The following PPARD variants were observed in gnomAD, a reference collection of about 807,000 sequenced individuals.
PPARD encodes the protein peroxisome proliferator-activated receptor delta.
PPARD carries 6 observed loss-of-function variants against 39.5 expected under a neutral mutation model. The ratio of observed to expected loss-of-function variants is 0.15; its 90% CI spans 0.08 to 0.30. PPARD has a LOEUF of 0.30. Among genes scored for constraint, PPARD ranks in the 10% least tolerant of loss-of-function variants. The probability of loss-of-function intolerance (pLI) is 1.00; values close to 1 mark genes in which losing one functional copy is unlikely to be tolerated. For synonymous variants in PPARD, 210 were observed against 231.3 expected (o/e 0.91, Z 0.83); for missense variants, 397 against 596.8 (o/e 0.67, Z 3.49).
chr6:35,388,661 G>A (rs1028755658), intron 2 of PPARD, among the ~76,000 whole-genome samples: 8 of 152,070 alleles, frequency 5.3e-5, no homozygotes, highest in Admixed American at 1.3e-4. Context: ...GCAGTGAGCC[G>A]AGATCGCGCC....
Position 35,426,006 on chromosome 6 carries a change from A to C in PPARD, c.1253A>C (p.Gln418Pro). ...GTCACCGAGCACGCCCAGATGATGC[A>C]GCGGATCAAGAAGACCGAAACCGAG... ...QLVTEHAQMM[Q>P]RIKKTETETS... Residue 418 changes from glutamine to proline, a missense_variant, in exon 8 of 8, where the codon CAG becomes CCG. Transcript: ENST00000360694. 1 of 1,614,094 alleles carries C rather than the reference A, an allele frequency of 6.2e-7. No homozygotes were observed. Among genetic ancestry groups the C allele is most frequent in the Non-Finnish European group, 8.5e-7 (1 of 1,180,026 alleles).
intron 2 of PPARD, among the ~76,000 whole-genome samples, chr6:35,406,030 G>A (rs908035357): frequency 1.3e-5 from 2 of 152,050 alleles, no homozygotes; most frequent in African/African-American, 4.8e-5. Flanking sequence ...GGGTTCAAGT[G>A]ATTCTCGTGC....
chr6:35,343,487 C>T (rs1370871515), intron 1 of PPARD, among the ~76,000 whole-genome samples: 1 of 152,108 alleles, frequency 6.6e-6, no homozygotes, highest in African/African-American at 2.4e-5. Context: ...CTTAGCTCCA[C>T]ACTCTACTCT....
intron 2 of PPARD, among the ~76,000 whole-genome samples, chr6:35,382,332 A>G (rs1263160217): frequency 3.4e-4 from 51 of 152,218 alleles, no homozygotes; most frequent in Non-Finnish European, 8.8e-5. Flanking sequence ...CTAACCAGGC[A>G]CCTGGCATCA....
intron 5 of PPARD, among the ~76,000 whole-genome samples, chr6:35,423,411 A>G (rs1485578141): frequency 1.3e-5 from 2 of 151,728 alleles, no homozygotes; most frequent in African/African-American, 2.4e-5. Context: ...GTGGGCGCCT[A>G]TAATCCCAGC....
intron 1 of PPARD, among the ~76,000 whole-genome samples, chr6:35,344,898 G>A (rs1445393846): frequency 6.6e-6 from 1 of 152,170 alleles, no homozygotes; most frequent in Non-Finnish European, 1.5e-5. Flanking sequence ...CAAAGATTTG[G>A]GTAGACTGGA....
In PPARD at chr6:35,356,060, C is replaced by T. The variant is rs1761596224; in HGVS notation, c.-102+8910C>T. Among the ~76,000 whole-genome samples, 3 of 152,100 alleles carry T rather than the reference C, an allele frequency of 2.0e-5. No homozygotes were observed. The South Asian group carries it at 6.2e-4, about 31-fold the overall frequency. On this transcript the variant is annotated intron_variant, in intron 2 of 7. Transcript: ENST00000360694. The stretch of plus-strand genomic sequence containing the variant: ...TCTCCTGAGACCGTTACTAAGTTCT[C>T]CACAGCTAATGGTAACTCAGCTTGG...
chr6:35,361,397 C>T (rs1341995913), intron 2 of PPARD, among the ~76,000 whole-genome samples: 2 of 152,100 alleles, frequency 1.3e-5, no homozygotes, highest in Non-Finnish European at 2.9e-5. Context: ...CCTGTAATAC[C>T]AGCACTTTGG....
At position 35,425,848 on chromosome 6, in the gene PPARD, G is replaced by T; in HGVS notation, c.1095G>T (p.Met365Ile). Residue 365 changes from methionine (M) to isoleucine (I), a missense_variant, in exon 8 of 8, where the codon ATG becomes ATT. By Grantham distance (10) the Met-to-Ile change is conservative. Transcript: ENST00000360694. This position sits in a 1 kb window ranked among gnomAD's most constrained non-coding sequence, Gnocchi z 4.5. ...TCCCCACAGACCGGCCAGGCCTCATGAACGTTCCACGGGTGGAGGCTATCC... is the reference window on the plus strand; with the variant it reads ...TCCCCACAGACCGGCCAGGCCTCATTAACGTTCCACGGGTGGAGGCTATCC... The part of the protein sequence containing the change: ...IILCGDRPGL[M>I]NVPRVEAIQD... 5 of 1,614,052 alleles carry T rather than the reference G, an allele frequency of 3.1e-6. No individual in the cohort carries two copies. The highest frequency in any genetic ancestry group is 4.2e-6 in the Non-Finnish European group (5 of 1,180,012).
At chr6:35,378,707 G>A (rs890119943) in intron 2 of PPARD, among the ~76,000 whole-genome samples, 2 of 152,112 alleles carry the variant, frequency 1.3e-5, no homozygotes, top group African/African-American at 2.4e-5. Flanking sequence ...CGGGGCCTCC[G>A]AGGAGACCAG....
chr6:35,425,696 A>G lies in PPARD; in HGVS notation c.1079-136A>G, dbSNP rs2150867678. 4 of 1,313,618 alleles carry G rather than the reference A, an allele frequency of 3.0e-6. No individual in the cohort carries two copies. The highest frequency in any genetic ancestry group is 1.5e-5 in the African/African-American group (1 of 68,030). The allele number at this position is 1,313,618 out of a possible 1,614,324, so 81.4% of individuals were successfully genotyped here. A position where few individuals can be genotyped will look rare whatever the true frequency, so the allele number is the denominator to read the frequency against. On this transcript the variant is annotated intron_variant, in intron 7 of 7. Coordinates refer to ENST00000360694, the MANE Select transcript of PPARD (RefSeq NM_006238.5). This position sits in a 1 kb window ranked among gnomAD's most constrained non-coding sequence, Gnocchi z 4.5. Reference sequence around the variant, plus strand: ...GGGAGATTAGAACACCCAGTGGAGCATTGCTGATGGGACAGGGCTTGGTCT... The same window carrying G: ...GGGAGATTAGAACACCCAGTGGAGCGTTGCTGATGGGACAGGGCTTGGTCT...
chr6:35,420,811 C>G (rs1581670285), intron 4 of PPARD, among the ~76,000 whole-genome samples: 1 of 100,786 alleles, frequency 9.9e-6, no homozygotes, highest in Non-Finnish European at 2.1e-5. Flanking sequence ...ACCAAACTAA[C>G]AAAGAAGCTT....
At chr6:35,409,891 A>G (rs1765312191) in intron 2 of PPARD, among the ~76,000 whole-genome samples, 1 of 152,208 alleles carries the variant, frequency 6.6e-6, no homozygotes, top group South Asian at 2.1e-4. Context: ...ATCAAAGGAG[A>G]ATCTCTGGGG....
At chr6:35,365,577 T>C (rs1374394198) in intron 2 of PPARD, among the ~76,000 whole-genome samples, 2 of 150,606 alleles carry the variant, frequency 1.3e-5, no homozygotes, top group African/African-American at 2.5e-5. Flanking sequence ...CTGCAACCTC[T>C]GCCTCCTGGG....
intron 2 of PPARD, among the ~76,000 whole-genome samples, chr6:35,394,395 C>T (rs944120776): frequency 9.2e-5 from 14 of 152,198 alleles, no homozygotes; most frequent in Non-Finnish European, 2.1e-4. Context: ...TTTCTACAAT[C>T]ATTTATATCT....
At chr6:35,348,198 G>T (rs1176405879) in intron 2 of PPARD, among the ~76,000 whole-genome samples, 2 of 152,188 alleles carry the variant, frequency 1.3e-5, no homozygotes, top group Non-Finnish European at 2.9e-5. Flanking sequence ...GTGAGCCACT[G>T]TGCCCAGCCG....
In PPARD at chr6:35,363,643, T is replaced by G; in HGVS notation, c.-102+16493T>G. 6.6e-6 allele frequency among the ~76,000 whole-genome samples: 1 copy of G among 150,790 alleles called. No homozygotes were observed. Among genetic ancestry groups the G allele is most frequent in the South Asian group, 2.1e-4 (1 of 4,774 alleles). On this transcript the variant is annotated intron_variant, in intron 2 of 7. Transcript: ENST00000360694. This position sits in a 1 kb window ranked among gnomAD's most constrained non-coding sequence, Gnocchi z 4.5. ...GCGGGGGCCAGGCCTTGCCCAAGAGTCAGAAAGTGGGAAGTCACGGGGGAG... is the reference window on the plus strand; with the variant it reads ...GCGGGGGCCAGGCCTTGCCCAAGAGGCAGAAAGTGGGAAGTCACGGGGGAG...
At chr6:35,355,334 C>T (rs1761509814) in intron 2 of PPARD, among the ~76,000 whole-genome samples, 1 of 151,782 alleles carries the variant, frequency 6.6e-6, no homozygotes, top group African/African-American at 2.4e-5. Context: ...CCTGTAGTCC[C>T]AGCACACCAG....
At chr6:35,380,596 C>G (rs1467780578) in intron 2 of PPARD, among the ~76,000 whole-genome samples, 1 of 148,288 alleles carries the variant, frequency 6.7e-6, no homozygotes, top group African/African-American at 2.5e-5. Context: ...TCAAGCAGGG[C>G]TCCTCCCTGC....
Sources: allele counts gnomAD v4.1 joint callset (sites outside exome capture counted in the v4.1 genomes callset), GRCh38; gene constraint gnomAD v4.1.1; non-coding constraint Gnocchi (gnomAD v3.1); transcripts MANE v1.5; gene names NCBI Gene and HGNC (gene_info 2026-07-23, HGNC 2026-07-21).